ZSCAN4: variants seen among roughly 807,000 people sequenced by gnomAD.
The protein encoded by ZSCAN4 is zinc finger and SCAN domain-containing protein 4.
ZSCAN4 carries 18 observed loss-of-function variants against 18.3 expected under a neutral mutation model. That is an observed-to-expected ratio of 0.98 (90% confidence interval 0.68 to 1.46). ZSCAN4 has a LOEUF of 1.46. Among genes scored for constraint, ZSCAN4 ranks in the 40% most tolerant of loss-of-function variants. The pLI, the probability that ZSCAN4 is intolerant of heterozygous loss-of-function variation, is 0.00. For missense variants in ZSCAN4, 498 were observed against 511.4 expected (o/e 0.97, Z 0.25); for synonymous variants, 193 against 180.3 (o/e 1.07, Z -0.57).
chr19:57,678,210 A>C, exon 5 of ZSCAN4: 1 of 1,614,126 alleles, frequency 6.2e-7, no homozygotes, highest in Non-Finnish European at 8.5e-7. Flanking sequence ...TTCGAAAACT[A>C]CTCGAGTAAA....
chr19:57,662,851 C>T, the ZSCAN4 span, among the ~76,000 whole-genome samples: 2 of 152,098 alleles, frequency 1.3e-5, no homozygotes, highest in African/African-American at 2.4e-5. Flanking sequence ...TGAGTCACTA[C>T]ACCCAGCCTA....
chr19:57,670,052 A>C (rs1983971274), intron 1 of ZSCAN4, among the ~76,000 whole-genome samples, 193 bp from the exon 2 acceptor site: 1 of 151,112 alleles, frequency 6.6e-6, no homozygotes, highest in South Asian at 2.1e-4. Context: ...ACAGGTGCCC[A>C]CCACCATGCC....
At chr19:57,659,260 G>A in the ZSCAN4 span, among the ~76,000 whole-genome samples, 1 of 152,124 alleles carries the variant, frequency 6.6e-6, no homozygotes, top group African/African-American at 2.4e-5. Flanking sequence ...TAACATGGGT[G>A]CTTTGCTTAC....
the ZSCAN4 span, among the ~76,000 whole-genome samples, chr19:57,654,041 T>G: frequency 6.6e-6 from 1 of 152,196 alleles, no homozygotes; most frequent in Admixed American, 6.5e-5. Context: ...TAAGCTCATG[T>G]CTTTCCTGTT....
At chr19:57,673,462 C>A (rs1340905394) in intron 2 of ZSCAN4, among the ~76,000 whole-genome samples, 4 of 152,058 alleles carry the variant, frequency 2.6e-5, no homozygotes, top group Non-Finnish European at 4.4e-5. Context: ...GAGACCAAGT[C>A]TCGAAAAGAA....
Position 57,678,738 on chromosome 19 carries a change from C to T in ZSCAN4, c.1135C>T (p.His379Tyr), listed in dbSNP as rs767266751. The T allele has an allele frequency of 1.5e-5, 24 of 1,614,060 alleles. No individual in the cohort carries two copies. The East Asian group carries it at 5.1e-4, about 34-fold the overall frequency. Residue 379 changes from histidine to tyrosine, a missense_variant, in exon 5 of 5, where the codon CAC becomes TAC. Transcript: ENST00000318203. ...CAGCATGTGTAAAAAGTCCTTCAGCCACAAAACCAACCTGCGGTCTCATGA... is the reference window on the plus strand; with the variant it reads ...CAGCATGTGTAAAAAGTCCTTCAGCTACAAAACCAACCTGCGGTCTCATGA...
At chr19:57,659,878 A>C in the ZSCAN4 span, among the ~76,000 whole-genome samples, 1 of 152,128 alleles carries the variant, frequency 6.6e-6, no homozygotes, top group Non-Finnish European at 1.5e-5. Flanking sequence ...CTCCTCAGCT[A>C]CTTCTGTCAT....
At chr19:57,657,455 C>T in the ZSCAN4 span, among the ~76,000 whole-genome samples, 2 of 152,200 alleles carry the variant, frequency 1.3e-5, no homozygotes, top group East Asian at 1.9e-4. Context: ...TGATGAGTAA[C>T]ATTAACCGAA....
At chr19:57,652,679 C>T in the ZSCAN4 span, among the ~76,000 whole-genome samples, 1 of 152,112 alleles carries the variant, frequency 6.6e-6, no homozygotes, top group Non-Finnish European at 1.5e-5. Context: ...TGCCTAACAC[C>T]CTCCCGCTGA....
At chr19:57,673,746 GATGATT>G (rs1055291336) in intron 2 of ZSCAN4, among the ~76,000 whole-genome samples, 14 of 151,938 alleles carry the variant, frequency 9.2e-5, no homozygotes, top group African/African-American at 2.9e-4. Flanking sequence ...TGATGATGAT[GATGATT>G]ATTATTATTA....
exon 5 of ZSCAN4, chr19:57,678,500 G>C: frequency 6.2e-7 from 1 of 1,614,148 alleles, no homozygotes; most frequent in Non-Finnish European, 8.5e-7. Context: ...CCACATGTGA[G>C]GTACATCAGA....
At chr19:57,671,430 G>C (rs1249520030) in intron 2 of ZSCAN4, among the ~76,000 whole-genome samples, 1 of 151,626 alleles carries the variant, frequency 6.6e-6, no homozygotes, top group East Asian at 1.9e-4. Flanking sequence ...AGGGGAGAAA[G>C]GGTGGGTAAT....
intron 2 of ZSCAN4, among the ~76,000 whole-genome samples, chr19:57,675,427 C>T (rs1052401677): frequency 1.3e-5 from 2 of 152,016 alleles, no homozygotes; most frequent in African/African-American, 4.8e-5. Context: ...GGATTACAGG[C>T]ATGAGCAACC....
At chr19:57,678,513 G>A (rs1984262230) in exon 5 of ZSCAN4, 1 of 1,614,026 alleles carries the variant, frequency 6.2e-7, no homozygotes, top group African/African-American at 1.3e-5. Context: ...ACATCAGAAA[G>A]GATCCCATGG....
At chr19:57,651,813 A>C in the ZSCAN4 span, among the ~76,000 whole-genome samples, 1 of 152,132 alleles carries the variant, frequency 6.6e-6, no homozygotes, top group South Asian at 2.1e-4. Context: ...TCCTTCTTCC[A>C]CTAGGAGGCT....
chr19:57,654,442 C>T, the ZSCAN4 span, among the ~76,000 whole-genome samples: 2 of 152,132 alleles, frequency 1.3e-5, no homozygotes, highest in South Asian at 2.1e-4. Context: ...GACAAAATAA[C>T]CTTTCAAAAC....
At position 57,678,304 on chromosome 19, in the gene ZSCAN4, GT is replaced by G. The variant is rs1166029847; in HGVS notation, c.702del (p.Val235PhefsTer14). 1.2e-6 allele frequency: 2 copies of G among 1,614,110 alleles called. No homozygotes were observed. Among genetic ancestry groups the G allele is most frequent in the East Asian group, 4.5e-5 (2 of 44,858 alleles). ...AACGGTCCTAGGCCTGAAGAGGGAGGTGTTTCTTCTGACAACCCATACAACT... is the reference window on the plus strand; with the variant it reads ...AACGGTCCTAGGCCTGAAGAGGGAGGGTTTCTTCTGACAACCCATACAACT... On this transcript the variant is annotated frameshift_variant, in exon 5 of 5. Transcript: ENST00000318203. LOFTEE classifies it low-confidence loss of function (END_TRUNC).
the ZSCAN4 span, among the ~76,000 whole-genome samples, chr19:57,651,566 C>T: frequency 2.6e-5 from 4 of 152,330 alleles, no homozygotes; most frequent in South Asian, 6.2e-4. Context: ...CTGGTGTCCC[C>T]GTCTACAGGC....
the ZSCAN4 span, among the ~76,000 whole-genome samples, chr19:57,659,787 C>A: frequency 6.6e-6 from 1 of 152,202 alleles, no homozygotes; most frequent in Non-Finnish European, 1.5e-5. Flanking sequence ...TTCTCTTTCT[C>A]CTTAGATCTT....
Sources: gnomAD v4.1 joint callset for allele counts (sites outside exome capture counted in the v4.1 genomes callset) on GRCh38, gnomAD v4.1.1 for gene constraint, MANE v1.5 for transcripts, NCBI Gene and HGNC (gene_info 2026-07-23, HGNC 2026-07-21) for gene names.